The following SCML4 variants were observed in gnomAD, a reference collection of about 807,000 sequenced individuals.
The protein encoded by SCML4 is sex comb on midleg-like protein 4.
In SCML4, 34 loss-of-function variants were observed where a neutral mutation model predicts 41.1. The observed-to-expected ratio is 0.83, with a 90% CI of 0.63 to 1.10. The LOEUF is 1.10. Among genes scored for constraint, SCML4 ranks in the 50% least tolerant of loss-of-function variants. The probability of loss-of-function intolerance (pLI) is 0.00; values close to 1 mark genes in which losing one functional copy is unlikely to be tolerated. For missense variants in SCML4, 522 were observed against 534.1 expected (o/e 0.98, Z 0.22); for synonymous variants, 214 against 220.9 (o/e 0.97, Z 0.28).
At chr6:107,748,725 T>C (rs1778352059) in intron 3 of SCML4, among the ~76,000 whole-genome samples, 1 of 152,242 alleles carries the variant, frequency 6.6e-6, no homozygotes, top group Admixed American at 6.5e-5. Flanking sequence ...AGTAAGCCTA[T>C]TCAGATCATC....
At chr6:107,776,044 G>A (rs899847986) in intron 1 of SCML4, among the ~76,000 whole-genome samples, 2 of 151,910 alleles carry the variant, frequency 1.3e-5, no homozygotes, top group African/African-American at 4.8e-5. Flanking sequence ...ACATTAAAAA[G>A]TCCTAAAGAC....
Position 107,780,387 on chromosome 6 carries a change from T to C in SCML4, c.-59-8001A>G, listed in dbSNP as rs565277917. On this transcript the variant is annotated intron_variant, in intron 1 of 7. Coordinates refer to ENST00000369020, the MANE Select transcript of SCML4 (RefSeq NM_198081.5). ...GTACTCATTCTTAGCGTCAAATTTT[T>C]CCCTTGGATACTATTCTCCACCATA... is the stretch of plus-strand genomic sequence containing the variant. Among the ~76,000 whole-genome samples the C allele has an allele frequency of 3.3e-5, 5 of 152,298 alleles. No homozygotes were observed. The South Asian group carries it at 1.0e-3, about 32-fold the overall frequency.
intron 5 of SCML4, among the ~76,000 whole-genome samples, chr6:107,722,730 T>G (rs1775552988): frequency 6.6e-6 from 1 of 152,176 alleles, no homozygotes; most frequent in South Asian, 2.1e-4. Flanking sequence ...GATCTTCTCA[T>G]AGTTGGGGAT....
intron 6 of SCML4, among the ~76,000 whole-genome samples, chr6:107,716,347 A>G (rs535061518): frequency 6.6e-6 from 1 of 152,326 alleles, no homozygotes; most frequent in African/African-American, 2.4e-5. Context: ...AGCCCACTGA[A>G]GTCAGATCCT....
At position 107,772,221 on chromosome 6, in the gene SCML4, A is replaced by G. The variant is rs762448429; in HGVS notation, c.107T>C (p.Leu36Ser). The change falls in exon 2 of 8, where the codon TTA (leucine) becomes TCA (serine). Residue 36 changes from leucine to serine, a missense_variant. By Grantham distance (145) the Leu-to-Ser change is moderately radical. Coordinates refer to ENST00000369020, the MANE Select transcript of SCML4 (RefSeq NM_198081.5). ...TTTCTTTGGGATCTTCACTGCTGGT[A>G]AAGAGCCAGCTGAAGCAGAATAAAG... ...HNLYSASAGSLPAVKIPKKRG... is the reference protein window; with the variant it reads ...HNLYSASAGSSPAVKIPKKRG... 1.8e-5 allele frequency: 28 copies of G among 1,551,456 alleles called. No individual in the cohort carries two copies. Among genetic ancestry groups the G allele is most frequent in the Non-Finnish European group, 2.4e-5 (27 of 1,146,948 alleles).
At chr6:107,747,059 G>A (rs917939364) in intron 3 of SCML4, among the ~76,000 whole-genome samples, 170 bp from the exon 4 acceptor site, 23 of 152,192 alleles carry the variant, frequency 1.5e-4, no homozygotes, top group African/African-American at 5.3e-4. Flanking sequence ...AGTAAAAGAG[G>A]CAAAAGAGTT....
At chr6:107,719,573 G>A (rs1426020482) in intron 6 of SCML4, 2 of 152,230 alleles carry the variant, frequency 1.3e-5, no homozygotes, top group African/African-American at 4.8e-5. Flanking sequence ...TCTCAGCTGT[G>A]GAGCTGATGG....
At chr6:107,821,562 T>G (rs1784946066) in intron 1 of SCML4, among the ~76,000 whole-genome samples, 5 of 152,204 alleles carry the variant, frequency 3.3e-5, no homozygotes. Context: ...TCTTTTCTCA[T>G]CTCCTTTCCC....
chr6:107,755,076 C>T (rs1242650506), intron 2 of SCML4, among the ~76,000 whole-genome samples: 1 of 151,858 alleles, frequency 6.6e-6, no homozygotes, highest in Non-Finnish European at 1.5e-5. Context: ...TACACTCCAG[C>T]CTGGGCAACA....
chr6:107,842,577 G>A, the SCML4 span, among the ~76,000 whole-genome samples: 101 of 152,246 alleles, frequency 6.6e-4, no homozygotes, highest in African/African-American at 2.2e-3. Flanking sequence ...TTTCTATTTT[G>A]AGATGGGGTT....
chr6:107,724,947 G>A (rs1310853909), intron 5 of SCML4, among the ~76,000 whole-genome samples: 1 of 152,184 alleles, frequency 6.6e-6, no homozygotes, highest in African/African-American at 2.4e-5. Flanking sequence ...GGCACAGAAA[G>A]ACAAATATCA....
intron 1 of SCML4, among the ~76,000 whole-genome samples, chr6:107,818,739 C>T (rs780849178): frequency 3.0e-4 from 46 of 152,236 alleles, no homozygotes; most frequent in Non-Finnish European, 5.1e-4. Context: ...TTTTTCTCTT[C>T]GGTTCTTCCT....
Position 107,776,232 on chromosome 6 carries a change from T to A in SCML4, c.-59-3846A>T, listed in dbSNP as rs540270073. ...AGATTGAAAATAAAGCTAAGGAAAC[T>A]ATTTGCCACATATGGGAACAACAAA... On this transcript the variant is annotated intron_variant, in intron 1 of 7. Transcript: ENST00000369020. Among the ~76,000 whole-genome samples the A allele has an allele frequency of 5.3e-5, 8 of 152,228 alleles. No individual in the cohort carries two copies. In the East Asian group the frequency reaches 1.5e-3, roughly 29 times the overall value.
At chr6:107,829,005 T>C (rs1785325813), upstream of SCML4, among the ~76,000 whole-genome samples, 1 of 152,216 alleles carries the variant, frequency 6.6e-6, no homozygotes, top group Non-Finnish European at 1.5e-5. Context: ...ACTTTTAAAA[T>C]GTTCTTAATA....
At chr6:107,766,354 T>A (rs952205231) in intron 2 of SCML4, among the ~76,000 whole-genome samples, 17 of 140,200 alleles carry the variant, frequency 1.2e-4, no homozygotes, top group African/African-American at 4.7e-4. Flanking sequence ...TGGGCAATAA[T>A]GTGAGACTCC....
chr6:107,845,737 G>A, the SCML4 span, among the ~76,000 whole-genome samples: 33 of 152,356 alleles, frequency 2.2e-4, no homozygotes, highest in Admixed American at 1.1e-3. Context: ...GGTTTTATGA[G>A]CAAGAGGATA....
intron 5 of SCML4, among the ~76,000 whole-genome samples, chr6:107,726,532 CAAAAAAAAAAAAA>C (rs59013088): frequency 1.4e-5 from 1 of 72,394 alleles, no homozygotes; most frequent in African/African-American, 6.3e-5. Context: ...GACTCCATCT[CAAAAAAAAAAAAA>C]AAAAAAAAAA....
In SCML4 at chr6:107,710,787, C is replaced by T. The variant is rs1426592818; in HGVS notation, c.974-2776G>A. 3.2e-5 allele frequency among the ~76,000 whole-genome samples: 2 copies of T among 62,332 alleles called. 1 individual carries two copies. Among genetic ancestry groups the T allele is most frequent in the East Asian group, 7.4e-4 (2 of 2,720 alleles). 40.9% of individuals were successfully genotyped at this position (62,332 alleles called of 152,430 possible). ...TTGAGCTGTTGCAAGAATTAAATGGCATAATGTTGTAAAGCATTAAACAGG... is the reference window on the plus strand; with the variant it reads ...TTGAGCTGTTGCAAGAATTAAATGGTATAATGTTGTAAAGCATTAAACAGG... On this transcript the variant is annotated intron_variant, in intron 6 of 7. Coordinates refer to ENST00000369020, the MANE Select transcript of SCML4 (RefSeq NM_198081.5).
chr6:107,728,168 A>G (rs773159017), intron 5 of SCML4, among the ~76,000 whole-genome samples: 5 of 152,268 alleles, frequency 3.3e-5, no homozygotes, highest in African/African-American at 4.8e-5. Context: ...AAATATGCCT[A>G]CATAGTTCTG....
Sources: allele counts gnomAD v4.1 joint callset (sites outside exome capture counted in the v4.1 genomes callset), GRCh38; gene constraint gnomAD v4.1.1; transcripts MANE v1.5; gene names NCBI Gene and HGNC (gene_info 2026-07-23, HGNC 2026-07-21).